The following VPS53 variants were observed in gnomAD, a reference collection of about 807,000 sequenced individuals.
The protein encoded by VPS53 is vacuolar protein sorting-associated protein 53 homolog.
A neutral mutation model predicts 107.0 loss-of-function variants in VPS53; 70 were observed. The observed-to-expected ratio is 0.65, with a 90% CI of 0.54 to 0.80. The LOEUF is 0.80. Ranked by LOEUF, VPS53 falls within the 30% of genes least tolerant of loss-of-function variation. The probability of loss-of-function intolerance (pLI) is 0.00; values close to 1 mark genes in which losing one functional copy is unlikely to be tolerated. For missense variants in VPS53, 917 were observed against 1,049.4 expected (o/e 0.87, Z 1.74); for synonymous variants, 409 against 393.3 (o/e 1.04, Z -0.47).
intron 7 of VPS53, among the ~76,000 whole-genome samples, chr17:644,901 T>C (rs978082090): frequency 5.9e-5 from 9 of 152,348 alleles, no homozygotes; most frequent in Admixed American, 1.3e-4. Context: ...TGTTACTTAA[T>C]AGCACATATT....
At chr17:549,150 G>A (rs1336328370) in intron 17 of VPS53, among the ~76,000 whole-genome samples, 1 of 152,108 alleles carries the variant, frequency 6.6e-6, no homozygotes, top group Non-Finnish European at 1.5e-5. Flanking sequence ...GGTCTGAACT[G>A]AACTGTTTAA....
At chr17:672,304 C>G (rs1031045679) in intron 4 of VPS53, among the ~76,000 whole-genome samples, 1 of 151,876 alleles carries the variant, frequency 6.6e-6, no homozygotes, top group Non-Finnish European at 1.5e-5. Flanking sequence ...CTTCTTCAAA[C>G]GAGACACAAC....
chr17:710,507 G>A (rs1421574745), intron 2 of VPS53, 26 bp downstream of exon 2: 6 of 1,591,230 alleles, frequency 3.8e-6, no homozygotes, highest in East Asian at 2.2e-5. Context: ...GCTGCTGAAA[G>A]GAAGGAAACC....
chr17:632,096 C>T (rs1768922461), intron 7 of VPS53, among the ~76,000 whole-genome samples: 1 of 152,042 alleles, frequency 6.6e-6, no homozygotes, highest in African/African-American at 2.4e-5. Flanking sequence ...GAAAAACAAA[C>T]TAAAATAAAA....
rs143717379 is a variant in VPS53, at chr17:549,385, G to A, written c.1866+2487C>T. Among the ~76,000 whole-genome samples, 668 of 152,154 alleles carry A rather than the reference G, an allele frequency of 4.4e-3. 3 individuals carry two copies. Among genetic ancestry groups the A allele is most frequent in the African/African-American group, 0.015 (624 of 41,488 alleles). On this transcript the variant is annotated intron_variant, in intron 17 of 21. Coordinates refer to ENST00000437048, the MANE Select transcript of VPS53 (RefSeq NM_001128159.3). ...AAAGTAATGGCCTCCCAGCTGCTGC[G>A]TTCCCAAGTCTGTGGTTTTCCTATG...
At position 524,303 on chromosome 17, in the gene VPS53, AAAG is replaced by A. The variant is rs199997997; in HGVS notation, c.2086-2568_2086-2566del. On this transcript the variant is annotated intron_variant, in intron 19 of 21. Transcript: ENST00000437048. This position sits in a 1 kb window ranked among gnomAD's most constrained non-coding sequence, Gnocchi z 4.5. ...AAATACATAAAAAATAAAAAATAAA[AAAG>A]AAGAAGAAGAAGAAAATACAGAGAT... Among the ~76,000 whole-genome samples, 16 of 152,216 alleles carry A rather than the reference AAAG, an allele frequency of 1.1e-4. No individual in the cohort carries two copies. Among genetic ancestry groups the A allele is most frequent in the South Asian group, 2.1e-4 (1 of 4,828 alleles).
At chr17:649,633 G>A (rs1970852646) in intron 7 of VPS53, among the ~76,000 whole-genome samples, 1 of 151,248 alleles carries the variant, frequency 6.6e-6, no homozygotes, top group Non-Finnish European at 1.5e-5. Flanking sequence ...AGGCACTGAA[G>A]AGCTTACACT....
intron 13 of VPS53, among the ~76,000 whole-genome samples, chr17:570,910 T>C (rs1913978627): frequency 6.6e-6 from 1 of 152,208 alleles, no homozygotes; most frequent in African/African-American, 2.4e-5. Flanking sequence ...GTTAATTTCC[T>C]GATGTGGACA....
intron 7 of VPS53, among the ~76,000 whole-genome samples, chr17:647,362 G>C (rs988610949): frequency 1.3e-5 from 2 of 152,244 alleles, no homozygotes; most frequent in African/African-American, 4.8e-5. Flanking sequence ...TTTGAAGGCA[G>C]AGAGTGTGTA....
At position 519,214 on chromosome 17, in the gene VPS53, C is replaced by T. The variant is rs373809566; in HGVS notation, c.2413G>A (p.Gly805Ser). 84 of 1,549,694 alleles carry T rather than the reference C, an allele frequency of 5.4e-5. No individual in the cohort carries two copies. Among genetic ancestry groups the T allele is most frequent in the South Asian group, 3.7e-4 (31 of 83,830 alleles). The stretch of plus-strand genomic sequence containing the variant: ...GTTGGCGCCGTCAGGGACAGTGAGC[C>T]GGAGCTTTCTGCCCCCGAGGGCGGT... ...PAPPSGAESS[G>S]SLSLTAPTPE... The change falls in exon 22 of 22, where the codon GGC becomes AGC. Residue 805 changes from glycine to serine, a missense_variant. Gly to Ser is a moderately conservative substitution (Grantham distance 56). Transcript: ENST00000437048. This position sits in a 1 kb window ranked among gnomAD's most constrained non-coding sequence, Gnocchi z 5.0.
chr17:576,617 C>T (rs1440325440), intron 13 of VPS53, among the ~76,000 whole-genome samples: 1 of 151,742 alleles, frequency 6.6e-6, no homozygotes, highest in East Asian at 1.9e-4. Flanking sequence ...CCCACAGAAC[C>T]TAATGTGGTC....
intron 4 of VPS53, among the ~76,000 whole-genome samples, chr17:664,414 T>G (rs1045906768): frequency 6.6e-6 from 1 of 151,784 alleles, no homozygotes; most frequent in Non-Finnish European, 1.5e-5. Context: ...GAAAAGCAAA[T>G]GTGAAGATCC....
At chr17:546,327 TCTCACACACACACACA>T (rs1911188744) in intron 17 of VPS53, among the ~76,000 whole-genome samples, 1 of 93,118 alleles carries the variant, frequency 1.1e-5, no homozygotes, top group African/African-American at 4.3e-5. Flanking sequence ...ATCTTAGATA[TCTCACACACACACACA>T]CACACACACA....
At chr17:656,658 T>G in intron 5 of VPS53, 1 of 548,434 alleles carries the variant, frequency 1.8e-6, no homozygotes, top group Non-Finnish European at 3.2e-6. Context: ...AACACCCAGG[T>G]GAAATCATCC....
chr17:510,336 C>T lies in VPS53; in HGVS notation c.*8792G>A, dbSNP rs1460035378. ...TAGTCACATATCAAATCTTGGCTGA[C>T]CCCTTACTAGTCACATATCGAATCC... On this transcript the variant is annotated 3_prime_UTR_variant, in exon 22 of 22. Transcript: ENST00000437048. 9.9e-4 allele frequency: 206 copies of T among 207,714 alleles called. No individual in the cohort carries two copies. Among genetic ancestry groups the T allele is most frequent in the East Asian group, 2.1e-3 (11 of 5,256 alleles). 12.9% of individuals were successfully genotyped at this position (207,714 alleles called of 1,614,324 possible).
At chr17:545,731 G>GAC (rs976436407) in intron 17 of VPS53, among the ~76,000 whole-genome samples, 1 of 152,164 alleles carries the variant, frequency 6.6e-6, no homozygotes, top group Non-Finnish European at 1.5e-5. Context: ...AAATGAATAA[G>GAC]ACACAGCCCT....
At position 586,275 on chromosome 17, in the gene VPS53, T is replaced by G; in HGVS notation, c.1308A>C (p.Gln436His). ...EPHLYVYIES[Q>H]DKNLGELIDR... ...AGCGAATGTTCCTCACTCACTTGTC[T>G]TGGGATTCGATATACACGTAGAGAT... The change falls in exon 13 of 22, where the codon CAA becomes CAC. Residue 436 changes from glutamine to histidine, a missense_variant. By Grantham distance (24) the Gln-to-His change is conservative. Coordinates refer to ENST00000437048, the MANE Select transcript of VPS53 (RefSeq NM_001128159.3). The G allele has an allele frequency of 6.2e-7, 1 of 1,613,942 alleles. No homozygotes were observed. Among genetic ancestry groups the G allele is most frequent in the Middle Eastern group, 1.6e-4 (1 of 6,062 alleles).
intron 5 of VPS53, among the ~76,000 whole-genome samples, chr17:660,922 GCGCCT>G (rs1475940737): frequency 6.6e-6 from 1 of 152,148 alleles, no homozygotes; most frequent in Non-Finnish European, 1.5e-5. Context: ...GCACTTCCCA[GCGCCT>G]CCCATGGAGG....
At position 648,878 on chromosome 17, in the gene VPS53, G is replaced by A. The variant is rs191734477; in HGVS notation, c.608+4413C>T. 1.3e-4 allele frequency among the ~76,000 whole-genome samples: 17 copies of A among 126,394 alleles called. 2 individuals carry two copies. The Admixed American group carries it at 1.4e-3, about 10-fold the overall frequency. 82.9% of individuals were successfully genotyped at this position (126,394 alleles called of 152,430 possible). ...GAAGATCTTACACTGGAGGACAGAG[G>A]AATGGAACAGGCACTAAGATCTTAC... On this transcript the variant is annotated intron_variant, in intron 7 of 21. Transcript: ENST00000437048.
Sources: allele counts gnomAD v4.1 joint callset (sites outside exome capture counted in the v4.1 genomes callset), GRCh38; gene constraint gnomAD v4.1.1; non-coding constraint Gnocchi (gnomAD v3.1); transcripts MANE v1.5; gene names NCBI Gene and HGNC (gene_info 2026-07-23, HGNC 2026-07-21).